The following CHN2 variants were observed in gnomAD, a reference collection of about 807,000 sequenced individuals.
CHN2 encodes the protein chimerin 2.
CHN2 carries 35 observed loss-of-function variants against 56.3 expected under a neutral mutation model. That is an observed-to-expected ratio of 0.62 (90% confidence interval 0.47 to 0.82). CHN2 has a LOEUF of 0.82. Ranked by LOEUF, CHN2 falls within the 40% of genes least tolerant of loss-of-function variation. The pLI is 0.00. For synonymous variants in CHN2, 210 were observed against 212.8 expected, an observed-to-expected ratio of 0.99 and a Z score of 0.12; for missense variants, 491 against 580.5, an observed-to-expected ratio of 0.85 and a Z score of 1.58.
intron 1 of CHN2, among the ~76,000 whole-genome samples, chr7:29,287,446 T>C (rs1792243219): frequency 6.6e-6 from 1 of 152,214 alleles, no homozygotes; most frequent in Non-Finnish European, 1.5e-5. Context: ...TCTATCCAGA[T>C]TGGTCTCTGT....
chr7:29,164,779 C>CAAA (rs55742522), intron 2 of CHN2, among the ~76,000 whole-genome samples: 66 of 85,812 alleles, frequency 7.7e-4, no homozygotes, highest in Non-Finnish European at 9.0e-4. Flanking sequence ...AGACCTGTCT[C>CAAA]AAAAAAAAAA....
At chr7:29,286,190 C>T (rs1487457520) in intron 1 of CHN2, among the ~76,000 whole-genome samples, 2 of 151,130 alleles carry the variant, frequency 1.3e-5, no homozygotes, top group East Asian at 1.9e-4. Flanking sequence ...CCCCCGCCCC[C>T]CATGATTCCA....
At chr7:29,382,179 A>C (rs1800565504) in intron 3 of CHN2, among the ~76,000 whole-genome samples, 1 of 152,236 alleles carries the variant, frequency 6.6e-6, no homozygotes, top group African/African-American at 2.4e-5. Context: ...TGTTGTTATT[A>C]GGCTCTGCCA....
chr7:29,238,235 G>A (rs1280057424), intron 1 of CHN2, among the ~76,000 whole-genome samples: 1 of 151,848 alleles, frequency 6.6e-6, no homozygotes, highest in Non-Finnish European at 1.5e-5. Context: ...AGCCAGGAAG[G>A]TCTTGATCTC....
Position 29,398,409 on chromosome 7 carries a change from GCTT to G in CHN2, c.217_219del (p.Leu73del). ...TCATCTCTCGGGAGCAGGCGGATGAGCTTCTTGGAGGCGTGGAGGGTGCCTACA... is the reference window on the plus strand; with the variant it reads ...TCATCTCTCGGGAGCAGGCGGATGAGCTTGGAGGCGTGGAGGGTGCCTACA... On this transcript the variant is annotated inframe_deletion, in exon 5 of 13. Coordinates refer to ENST00000222792, the MANE Select transcript of CHN2 (RefSeq NM_004067.4). 1 of 1,613,616 alleles carries G rather than the reference GCTT, an allele frequency of 6.2e-7. No homozygotes were observed. The highest frequency in any genetic ancestry group is 2.2e-5 in the East Asian group (1 of 44,874).
intron 1 of CHN2, among the ~76,000 whole-genome samples, chr7:29,253,943 C>T (rs939634068): frequency 1.3e-5 from 2 of 152,006 alleles, no homozygotes; most frequent in African/African-American, 2.4e-5. Flanking sequence ...CTTGCTCTGT[C>T]GCCCAGGCTG....
At chr7:29,295,924 G>A (rs1228702950) in intron 1 of CHN2, among the ~76,000 whole-genome samples, 1 of 152,192 alleles carries the variant, frequency 6.6e-6, no homozygotes, top group Non-Finnish European at 1.5e-5. Flanking sequence ...GAGATGTTGG[G>A]CATTGGGTCC....
chr7:29,159,279 G>C (rs540178249), intron 2 of CHN2, among the ~76,000 whole-genome samples: 2 of 152,180 alleles, frequency 1.3e-5, no homozygotes, highest in Non-Finnish European at 1.5e-5. Context: ...AAGAGGTCAC[G>C]TGGTTTTCCA....
intron 1 of CHN2, among the ~76,000 whole-genome samples, chr7:29,207,363 T>C (rs1273082546): frequency 1.3e-5 from 2 of 152,140 alleles, no homozygotes; most frequent in African/African-American, 4.8e-5. Flanking sequence ...AGCCAGCCCC[T>C]GACCTTCTCA....
chr7:29,495,179 T>C (rs1480193185), intron 7 of CHN2, among the ~76,000 whole-genome samples: 6 of 152,148 alleles, frequency 3.9e-5, no homozygotes, highest in Admixed American at 3.9e-4. Flanking sequence ...TATTTTTGCT[T>C]TGTTTTGTTT....
At chr7:29,190,029 C>T (rs2128753142), upstream of CHN2, among the ~76,000 whole-genome samples, 1 of 152,374 alleles carries the variant, frequency 6.6e-6, no homozygotes, top group African/African-American at 2.4e-5. Flanking sequence ...GCTGCCTGCT[C>T]ATTAACCCAT....
At chr7:29,498,641 T>G (rs898570598) in intron 8 of CHN2, among the ~76,000 whole-genome samples, 1 of 152,202 alleles carries the variant, frequency 6.6e-6, no homozygotes, top group Non-Finnish European at 1.5e-5. Flanking sequence ...TGTGTTATTC[T>G]TTGTGCCTAG....
rs199674072 is a variant in CHN2, at chr7:29,372,206, T to TA, written c.144+4228dup. On this transcript the variant is annotated intron_variant, in intron 3 of 12. Transcript: ENST00000222792. ...CCCACTAGATTCTATTCCCATTCATTAAAAAAAAAGAAAGAAAGAAAAAGA... is the reference window on the plus strand; with the variant it reads ...CCCACTAGATTCTATTCCCATTCATTAAAAAAAAAAGAAAGAAAGAAAAAGA... Among the ~76,000 whole-genome samples the TA allele has an allele frequency of 2.3e-4, 34 of 150,164 alleles. No individual in the cohort carries two copies. The East Asian group carries it at 5.6e-3, about 25-fold the overall frequency.
chr7:29,274,874 T>G (rs953142681), intron 1 of CHN2, among the ~76,000 whole-genome samples: 3 of 152,204 alleles, frequency 2.0e-5, no homozygotes, highest in African/African-American at 7.2e-5. Context: ...TAGATTCATT[T>G]ACAATCATGG....
At chr7:29,398,791 G>T (rs1368634057) in intron 5 of CHN2, among the ~76,000 whole-genome samples, 2 of 147,882 alleles carry the variant, frequency 1.4e-5, no homozygotes, top group African/African-American at 5.0e-5. Context: ...TGAAGAGAAT[G>T]GGGTCTCACC....
Position 29,480,288 on chromosome 7 carries a change from C to T in CHN2, c.586C>T (p.Leu196=). The change falls in exon 7 of 13, where the codon CTG becomes TTG. Residue 196 remains leucine (L), a synonymous_variant. Coordinates refer to ENST00000222792, the MANE Select transcript of CHN2 (RefSeq NM_004067.4). ...CTTTGCCTGTTCACAGATCTCCTCC[C>T]TGGTTCGAAGGGCTGCCCTCACACA... is the stretch of plus-strand genomic sequence containing the variant. ...EHTAVEKISS[L]VRRAALTHND... is the part of the protein sequence containing the mutation. 1 of 1,614,220 alleles carries T rather than the reference C, an allele frequency of 6.2e-7. No individual in the cohort carries two copies.
chr7:29,179,912 T>C (rs553273184), intron 2 of CHN2, among the ~76,000 whole-genome samples: 12 of 152,218 alleles, frequency 7.9e-5, no homozygotes, highest in Non-Finnish European at 1.6e-4. Context: ...GTCACTGTTA[T>C]TTTGAAAGCA....
intron 1 of CHN2, among the ~76,000 whole-genome samples, chr7:29,300,473 AT>A (rs3841176): frequency 0.22 from 33,328 of 152,088 alleles, 4,168 homozygotes; most frequent in Non-Finnish European, 0.29. Context: ...TGAATGGACA[AT>A]CTTGGGAAAA....
Position 29,452,715 on chromosome 7 carries a change from G to A in CHN2, c.577-27564G>A, listed in dbSNP as rs553836359. On this transcript the variant is annotated intron_variant, in intron 6 of 12. Transcript: ENST00000222792. ...ATGGTTGGCTGGTGCATGCTCTACT[G>A]TGTAAGTGTAATTTGATATAAAGCT... is the stretch of plus-strand genomic sequence containing the variant. 6.9e-4 allele frequency among the ~76,000 whole-genome samples: 105 copies of A among 152,338 alleles called. 2 individuals are homozygous for A. In the South Asian group the frequency reaches 0.012, roughly 17 times the overall value.
Sources: gnomAD v4.1 joint callset for allele counts (sites outside exome capture counted in the v4.1 genomes callset) on GRCh38, gnomAD v4.1.1 for gene constraint, MANE v1.5 for transcripts, NCBI Gene and HGNC (gene_info 2026-07-23, HGNC 2026-07-21) for gene names.